GALNT18: variants seen among roughly 807,000 people sequenced by gnomAD.
GALNT18 encodes the protein GalNAc-transferase 18.
In GALNT18, 44 loss-of-function variants were observed where a neutral mutation model predicts 69.5. The ratio of observed to expected loss-of-function variants is 0.63; its 90% CI spans 0.50 to 0.81. The LOEUF is 0.81. GALNT18 is among the 40% of genes least tolerant of loss of function. The probability of loss-of-function intolerance (pLI) is 0.00; values close to 1 mark genes in which losing one functional copy is unlikely to be tolerated. For missense variants in GALNT18, 715 were observed against 810.0 expected, an observed-to-expected ratio of 0.88 and a Z score of 1.42; for synonymous variants, 364 against 318.2, an observed-to-expected ratio of 1.14 and a Z score of -1.53.
intron 6 of GALNT18, among the ~76,000 whole-genome samples, chr11:11,361,317 C>A (rs1353615771): frequency 1.3e-5 from 2 of 152,208 alleles, no homozygotes; most frequent in African/African-American, 2.4e-5. Context: ...ACTTACCAGT[C>A]ATGTAACCTT....
At position 11,605,504 on chromosome 11, in the gene GALNT18, G is replaced by A. The variant is rs1006800584; in HGVS notation, c.235+15855C>T. ...CCATTCTGAGGTTCTCACAGACCTC[G>A]GGGTGAACAGGAGGCCCTCTGTTTC... On this transcript the variant is annotated intron_variant, in intron 1 of 10. Transcript: ENST00000227756. This position sits in a 1 kb window ranked among gnomAD's most constrained non-coding sequence, Gnocchi z 4.7. Among the ~76,000 whole-genome samples the A allele has an allele frequency of 5.3e-5, 8 of 152,258 alleles. No individual in the cohort carries two copies. Among genetic ancestry groups the A allele is most frequent in the Non-Finnish European group, 8.8e-5 (6 of 68,018 alleles).
rs1425462046 is a variant in GALNT18 at position 11,586,619 on chromosome 11, T to A, written c.235+34740A>T. Among the ~76,000 whole-genome samples, 1 of 152,134 alleles carries A rather than the reference T, an allele frequency of 6.6e-6. No individual in the cohort carries two copies. Among genetic ancestry groups the A allele is most frequent in the Non-Finnish European group, 1.5e-5 (1 of 68,026 alleles). On this transcript the variant is annotated intron_variant, in intron 1 of 10. Coordinates refer to ENST00000227756, the MANE Select transcript of GALNT18 (RefSeq NM_198516.3). This position sits in a 1 kb window ranked among gnomAD's most constrained non-coding sequence, Gnocchi z 4.1. ...GACATAGTTGATCTTTTAAAAAAAA[T>A]AAAACGTTTCAGCATTTATATTTAG...
chr11:11,402,648 CTT>C lies in GALNT18; in HGVS notation c.596-23386_596-23385del, dbSNP rs1003761177. 6.6e-6 allele frequency among the ~76,000 whole-genome samples: 1 copy of C among 152,212 alleles called. No individual in the cohort carries two copies. The highest frequency in any genetic ancestry group is 2.4e-5 in the African/African-American group (1 of 41,456). On this transcript the variant is annotated intron_variant, in intron 3 of 10. Coordinates refer to ENST00000227756, the MANE Select transcript of GALNT18 (RefSeq NM_198516.3). The surrounding 1 kb of genome is among the most constrained non-coding windows in gnomAD (Gnocchi z 4.0). ...TTCATTATCTCAAGGCATAAGTCCT[CTT>C]TTTCATGGATAGAGCCAGTGTCCCA...
At position 11,465,577 on chromosome 11, in the gene GALNT18, C is replaced by T. The variant is rs367781161; in HGVS notation, c.236-16641G>A. Among the ~76,000 whole-genome samples the T allele has an allele frequency of 1.0e-3, 159 of 152,196 alleles. No individual in the cohort carries two copies. Among genetic ancestry groups the T allele is most frequent in the African/African-American group, 3.4e-3 (142 of 41,526 alleles). On this transcript the variant is annotated intron_variant, in intron 1 of 10. Transcript: ENST00000227756. The surrounding 1 kb of genome is among the most constrained non-coding windows in gnomAD (Gnocchi z 5.7). Reference sequence around the variant, plus strand: ...TAGGAAGGGTCTTGAGAATGGCCTCCGGGAACCAGAGAGGCCTGGAGGTGA... The same window carrying T: ...TAGGAAGGGTCTTGAGAATGGCCTCTGGGAACCAGAGAGGCCTGGAGGTGA...
intron 6 of GALNT18, among the ~76,000 whole-genome samples, chr11:11,359,740 C>T (rs1244500290): frequency 6.6e-6 from 1 of 152,116 alleles, no homozygotes; most frequent in Non-Finnish European, 1.5e-5. Flanking sequence ...TGGAGTTAAC[C>T]CTTGAAATTA....
In GALNT18 at chr11:11,428,210, G is replaced by A. The variant is rs115264772; in HGVS notation, c.595+4411C>T. ...GTCTGCACAGGGTCTGGCCATAGCC[G>A]CTTTCCTCCAAGTCAGGCTGAGATC... is the stretch of plus-strand genomic sequence containing the variant. On this transcript the variant is annotated intron_variant, in intron 3 of 10. Coordinates refer to ENST00000227756, the MANE Select transcript of GALNT18 (RefSeq NM_198516.3). Among the ~76,000 whole-genome samples, 466 of 152,346 alleles carry A rather than the reference G, an allele frequency of 3.1e-3. 1 individual carries two copies. Among genetic ancestry groups the A allele is most frequent in the African/African-American group, 0.01 (425 of 41,578 alleles).
At chr11:11,325,443 T>G (rs1402742388) in intron 9 of GALNT18, among the ~76,000 whole-genome samples, 2 of 152,004 alleles carry the variant, frequency 1.3e-5, no homozygotes, top group African/African-American at 4.8e-5. Flanking sequence ...GTACTAAAAT[T>G]TCAGCAATCA....
intron 1 of GALNT18, among the ~76,000 whole-genome samples, chr11:11,455,398 A>G (rs1299154641): frequency 2.0e-5 from 3 of 152,072 alleles, no homozygotes; most frequent in Non-Finnish European, 4.4e-5. Flanking sequence ...CCTAAAGGAA[A>G]GGATGCTTGA....
intron 6 of GALNT18, among the ~76,000 whole-genome samples, chr11:11,360,929 C>T (rs950715367): frequency 5.3e-5 from 8 of 152,148 alleles, no homozygotes; most frequent in African/African-American, 1.7e-4. Context: ...GAGTTGTGTA[C>T]TTGTTACTGT....
chr11:11,520,695 C>T (rs909969060), intron 1 of GALNT18, among the ~76,000 whole-genome samples: 1 of 152,178 alleles, frequency 6.6e-6, no homozygotes, highest in African/African-American at 2.4e-5. Flanking sequence ...AGCCAGGCTG[C>T]AGCACAGTGC....
chr11:11,519,931 G>A (rs1857358445), intron 1 of GALNT18, among the ~76,000 whole-genome samples: 1 of 152,220 alleles, frequency 6.6e-6, no homozygotes, highest in African/African-American at 2.4e-5. Flanking sequence ...GACAGAGGTG[G>A]GTTTTTATGT....
chr11:11,386,526 C>T (rs747093304), intron 3 of GALNT18, among the ~76,000 whole-genome samples: 18 of 152,270 alleles, frequency 1.2e-4, no homozygotes, highest in Non-Finnish European at 2.1e-4. Context: ...TTGACCTATA[C>T]GCATAATGTG....
intron 9 of GALNT18, among the ~76,000 whole-genome samples, chr11:11,304,821 T>A (rs1289024960): frequency 6.6e-6 from 1 of 152,246 alleles, no homozygotes; most frequent in Non-Finnish European, 1.5e-5. Flanking sequence ...TGATACACTG[T>A]CTTTTTGTTC....
chr11:11,581,273 C>T (rs61466889), intron 1 of GALNT18, among the ~76,000 whole-genome samples: 1,707 of 152,284 alleles, frequency 0.011, 34 homozygotes, highest in African/African-American at 0.039. Context: ...GTACAACAGG[C>T]AGGCCTCACA....
intron 3 of GALNT18, among the ~76,000 whole-genome samples, chr11:11,395,893 C>T (rs779154126): frequency 1.1e-4 from 17 of 152,070 alleles, no homozygotes; most frequent in Non-Finnish European, 2.4e-4. Flanking sequence ...ACCATGACCA[C>T]GATGCAAATG....
rs149052521 is a variant in GALNT18, at chr11:11,503,468, G to A, written c.236-54532C>T. 1.4e-4 allele frequency among the ~76,000 whole-genome samples: 22 copies of A among 152,266 alleles called. No individual in the cohort carries two copies. In the East Asian group the frequency reaches 2.9e-3, roughly 20 times the overall value. On this transcript the variant is annotated intron_variant, in intron 1 of 10. Transcript: ENST00000227756. ...TCCACTGCAATTTCCAGTTTTACCT[G>A]TACCTGAATCCTTGCAGGGATGCTA...
At chr11:11,559,612 A>T (rs1357576002) in intron 1 of GALNT18, among the ~76,000 whole-genome samples, 1 of 150,360 alleles carries the variant, frequency 6.7e-6, no homozygotes, top group Non-Finnish European at 1.5e-5. Flanking sequence ...ATGGGATGGG[A>T]TGGAATAGAA....
At chr11:11,580,249 C>T (rs1285126280) in intron 1 of GALNT18, among the ~76,000 whole-genome samples, 1 of 152,170 alleles carries the variant, frequency 6.6e-6, no homozygotes. Context: ...TGAAATACCT[C>T]GGCAGACTCA....
intron 3 of GALNT18, among the ~76,000 whole-genome samples, chr11:11,398,312 C>T (rs1174271552): frequency 1.3e-5 from 2 of 152,186 alleles, no homozygotes; most frequent in Non-Finnish European, 2.9e-5. Flanking sequence ...GCTAGCTCTG[C>T]CTGAGCTCAC....
Sources: gnomAD v4.1 joint callset for allele counts (sites outside exome capture counted in the v4.1 genomes callset) on GRCh38, gnomAD v4.1.1 for gene constraint, Gnocchi (gnomAD v3.1) non-coding constraint, MANE v1.5 for transcripts, NCBI Gene and HGNC (gene_info 2026-07-23, HGNC 2026-07-21) for gene names.